The following UNC13C variants were observed in gnomAD, a reference collection of about 807,000 sequenced individuals.
UNC13C encodes protein unc-13 homolog C.
UNC13C carries 174 observed loss-of-function variants against 245.4 expected under a neutral mutation model. That is an observed-to-expected ratio of 0.71 (90% CI 0.63 to 0.80). The LOEUF (loss-of-function observed/expected upper bound fraction) is 0.80. Among genes scored for constraint, UNC13C ranks in the 30% least tolerant of loss-of-function variants. The pLI is 0.00. For synonymous variants in UNC13C, 992 were observed against 895.1 expected (o/e 1.11, Z -1.93); for missense variants, 2,829 against 2,602.9 (o/e 1.09, Z -1.89).
At chr15:54,476,815 C>A (rs905682156) in intron 19 of UNC13C, among the ~76,000 whole-genome samples, 1 of 150,788 alleles carries the variant, frequency 6.6e-6, no homozygotes, top group Admixed American at 6.6e-5. Context: ...TCCATATGAA[C>A]TTTAAAGTAA....
At position 53,978,476 on chromosome 15, in the gene UNC13C, T is replaced by C. The variant is rs1167152656; in HGVS notation, c.-708T>C. ...CAGCCGCAGCCGGCGATGTGTGAAG[T>C]TCCCAGCACGCACTCAGCCCGGCTG... On this transcript the variant is annotated 5_prime_UTR_variant, in exon 1 of 33. Transcript: ENST00000260323. 1.3e-5 allele frequency among the ~76,000 whole-genome samples: 2 copies of C among 152,008 alleles called. No homozygotes were observed. The highest frequency in any genetic ancestry group is 4.8e-5 in the African/African-American group (2 of 41,396).
At chr15:54,501,074 C>A in intron 22 of UNC13C, 96 bp downstream of exon 22, 1 of 1,283,108 alleles carries the variant, frequency 7.8e-7, no homozygotes, top group Non-Finnish European at 1.1e-6. Flanking sequence ...GTCACCCCAT[C>A]CCAGTTTATT....
rs532572471 is a variant in UNC13C, at chr15:54,499,193, G to A, written c.5061-886G>A. 1.1e-4 allele frequency among the ~76,000 whole-genome samples: 17 copies of A among 152,174 alleles called. No homozygotes were observed. The South Asian group carries it at 3.3e-3, about 30-fold the overall frequency. On this transcript the variant is annotated intron_variant, in intron 20 of 32. Coordinates refer to ENST00000260323, the MANE Select transcript of UNC13C (RefSeq NM_001080534.3). The stretch of plus-strand genomic sequence containing the variant: ...AGAGAGAATGGGGCATCTCACATGG[G>A]GGGAGCAGGAGCAAGAGAGAGTGAG...
rs1036416455 is a variant in UNC13C, at chr15:54,496,881, T to C, written c.5060+2147T>C. Among the ~76,000 whole-genome samples, 5 of 152,082 alleles carry C rather than the reference T, an allele frequency of 3.3e-5. No homozygotes were observed. The East Asian group carries it at 9.6e-4, about 29-fold the overall frequency. ...TTGGGTACAGTAAACACTGCTTAGA[T>C]AATGGGTGCACCAAAATCTCAGAAA... On this transcript the variant is annotated intron_variant, in intron 20 of 32. Coordinates refer to ENST00000260323, the MANE Select transcript of UNC13C (RefSeq NM_001080534.3).
intron 19 of UNC13C, among the ~76,000 whole-genome samples, chr15:54,473,735 G>GT (rs202192040): frequency 0.03 from 4,517 of 150,062 alleles, 178 homozygotes; most frequent in Admixed American, 0.12. Context: ...TCTTTTTTTA[G>GT]TTTTTTTTTA....
In UNC13C at chr15:54,264,157, T is replaced by G; in HGVS notation, c.3449-11T>G. On this transcript the variant is annotated splice_polypyrimidine_tract_variant and intron_variant, in intron 8 of 32. Transcript: ENST00000260323. ...TTTCCATTCACATCACCATTGATGTTTCCATCATAGGAGCAGCAGAAAAGA... is the reference window on the plus strand; with the variant it reads ...TTTCCATTCACATCACCATTGATGTGTCCATCATAGGAGCAGCAGAAAAGA... 6.4e-7 allele frequency: 1 copy of G among 1,562,096 alleles called. No individual in the cohort carries two copies. Among genetic ancestry groups the G allele is most frequent in the Non-Finnish European group, 8.7e-7 (1 of 1,151,756 alleles).
At chr15:54,268,142 T>C (rs2036594799) in intron 10 of UNC13C, among the ~76,000 whole-genome samples, 1 of 151,330 alleles carries the variant, frequency 6.6e-6, no homozygotes, top group Non-Finnish European at 1.5e-5. Context: ...TTTACTTAAT[T>C]TTTTTTTTCT....
At chr15:53,971,781 C>T in the UNC13C span, among the ~76,000 whole-genome samples, 1 of 152,114 alleles carries the variant, frequency 6.6e-6, no homozygotes, top group Non-Finnish European at 1.5e-5. Context: ...TCCCTTCTAG[C>T]ATTTCCAGAG....
intron 2 of UNC13C, among the ~76,000 whole-genome samples, chr15:54,039,646 T>G (rs973363425): frequency 6.6e-6 from 1 of 152,152 alleles, no homozygotes; most frequent in East Asian, 1.9e-4. Context: ...GCATTCTCGG[T>G]GATCCCATTT....
chr15:54,446,034 G>A (rs919774622), intron 19 of UNC13C, among the ~76,000 whole-genome samples: 10 of 152,056 alleles, frequency 6.6e-5, no homozygotes, highest in South Asian at 2.1e-4. Context: ...TCCCAGCACC[G>A]TTTGTTGAAT....
chr15:54,058,025 G>A lies in UNC13C; in HGVS notation c.2983+42139G>A, dbSNP rs1461830802. Among the ~76,000 whole-genome samples the A allele has an allele frequency of 3.3e-5, 5 of 152,230 alleles. No individual in the cohort carries two copies. The East Asian group carries it at 9.7e-4, about 29-fold the overall frequency. On this transcript the variant is annotated intron_variant, in intron 2 of 32. Transcript: ENST00000260323. ...GAGAAAGCAGGAAAGATCTAAAATTGACACCCTAACATCAGAATTAAAAGA... is the reference window on the plus strand; with the variant it reads ...GAGAAAGCAGGAAAGATCTAAAATTAACACCCTAACATCAGAATTAAAAGA...
At chr15:54,356,094 C>A (rs1037740959) in intron 17 of UNC13C, among the ~76,000 whole-genome samples, 2 of 152,200 alleles carry the variant, frequency 1.3e-5, no homozygotes, top group African/African-American at 2.4e-5. Flanking sequence ...TGGTATTCCA[C>A]TGAATGGACA....
At chr15:54,275,442 C>CT (rs1467526083) in intron 10 of UNC13C, among the ~76,000 whole-genome samples, 1 of 151,814 alleles carries the variant, frequency 6.6e-6, no homozygotes, top group Non-Finnish European at 1.5e-5. Flanking sequence ...TTTTTCTGCC[C>CT]TTTTTTGAAC....
chr15:53,930,930 G>A, the UNC13C span, among the ~76,000 whole-genome samples: 6 of 152,098 alleles, frequency 3.9e-5, no homozygotes, highest in Non-Finnish European at 8.8e-5. Context: ...GTCGACCTCT[G>A]CAGAGAACAC....
At chr15:54,284,981 T>G (rs2037104472) in intron 10 of UNC13C, among the ~76,000 whole-genome samples, 1 of 152,140 alleles carries the variant, frequency 6.6e-6, no homozygotes, top group Non-Finnish European at 1.5e-5. Flanking sequence ...AATTGTGGGT[T>G]CTAGAAGGTG....
At chr15:54,143,239 G>C (rs929408031) in intron 3 of UNC13C, among the ~76,000 whole-genome samples, 199 bp downstream of exon 3, 2 of 152,088 alleles carry the variant, frequency 1.3e-5, no homozygotes, top group Admixed American at 1.3e-4. Flanking sequence ...TGCCAGCTGC[G>C]CTTACCTTAG....
intron 22 of UNC13C, among the ~76,000 whole-genome samples, chr15:54,503,832 G>A (rs1262606760): frequency 2.0e-5 from 3 of 151,900 alleles, no homozygotes; most frequent in Non-Finnish European, 4.4e-5. Flanking sequence ...TCTAAGTATT[G>A]GAATCCTTAT....
intron 20 of UNC13C, among the ~76,000 whole-genome samples, chr15:54,499,285 G>A (rs1191431824): frequency 6.6e-6 from 1 of 152,040 alleles, no homozygotes. Flanking sequence ...CACAAGAACA[G>A]CACCAAGGGG....
At chr15:54,626,698 C>A in intron 32 of UNC13C, 130 bp from the exon 33 acceptor site, 2 of 838,534 alleles carry the variant, frequency 2.4e-6, no homozygotes, top group Non-Finnish European at 3.6e-6. Flanking sequence ...GGTTAAAATA[C>A]ACTGATATCC....
Sources: allele counts gnomAD v4.1 joint callset (sites outside exome capture counted in the v4.1 genomes callset), GRCh38; gene constraint gnomAD v4.1.1; transcripts MANE v1.5; gene names NCBI Gene and HGNC (gene_info 2026-07-23, HGNC 2026-07-21).